GNAQ: variants seen among roughly 807,000 people sequenced by gnomAD.
The protein encoded by GNAQ is G protein subunit alpha q.
GNAQ carries 8 observed loss-of-function variants against 43.9 expected under a neutral mutation model. The observed-to-expected ratio is 0.18, with a 90% CI of 0.11 to 0.33. GNAQ has a LOEUF of 0.33. GNAQ is among the 10% of genes least tolerant of loss of function. The pLI is 1.00. For synonymous variants in GNAQ, 155 were observed against 170.7 expected, an observed-to-expected ratio of 0.91 and a Z score of 0.71; for missense variants, 158 against 450.8, an observed-to-expected ratio of 0.35 and a Z score of 5.88.
chr9:77,753,008 A>G (rs1017624416), intron 5 of GNAQ, among the ~76,000 whole-genome samples: 1 of 142,626 alleles, frequency 7.0e-6, no homozygotes, highest in Admixed American at 7.3e-5. Flanking sequence ...AATGGCGTGA[A>G]CCCGGGAGGC....
At chr9:77,888,099 G>A (rs1828341101) in intron 2 of GNAQ, among the ~76,000 whole-genome samples, 3 of 152,164 alleles carry the variant, frequency 2.0e-5, no homozygotes, top group African/African-American at 7.2e-5. Context: ...TTCAAGACAT[G>A]CAATGATGAC....
At chr9:77,984,937 T>C (rs572762863) in intron 1 of GNAQ, among the ~76,000 whole-genome samples, 1 of 152,128 alleles carries the variant, frequency 6.6e-6, no homozygotes, top group Non-Finnish European at 1.5e-5. Context: ...TGGACTACCA[T>C]TTGAGGATCC....
At chr9:77,780,566 T>C (rs1180705067) in intron 5 of GNAQ, among the ~76,000 whole-genome samples, 1 of 151,938 alleles carries the variant, frequency 6.6e-6, no homozygotes, top group Non-Finnish European at 1.5e-5. Flanking sequence ...AGTGCTGCAG[T>C]CAACATGGGG....
intron 1 of GNAQ, among the ~76,000 whole-genome samples, chr9:77,943,946 C>T (rs1368890753): frequency 3.3e-5 from 5 of 152,090 alleles, no homozygotes; most frequent in South Asian, 4.1e-4. Flanking sequence ...GGATTACAGG[C>T]GTGAGACACA....
At chr9:77,970,600 GAC>G (rs1823225939) in intron 1 of GNAQ, among the ~76,000 whole-genome samples, 1 of 152,168 alleles carries the variant, frequency 6.6e-6, no homozygotes, top group South Asian at 2.1e-4. Context: ...TGAGAACAAA[GAC>G]ACAGCGTACC....
At chr9:77,973,767 G>A (rs537298561) in intron 1 of GNAQ, among the ~76,000 whole-genome samples, 3 of 152,252 alleles carry the variant, frequency 2.0e-5, no homozygotes, top group East Asian at 3.9e-4. Context: ...GCAGTGAGCT[G>A]AGATTGTGCC....
At chr9:77,896,410 A>G (rs1242747012) in intron 2 of GNAQ, among the ~76,000 whole-genome samples, 1 of 152,250 alleles carries the variant, frequency 6.6e-6, no homozygotes, top group Non-Finnish European at 1.5e-5. Context: ...CATTTATTCT[A>G]CGTTTTAAAA....
intron 1 of GNAQ, among the ~76,000 whole-genome samples, chr9:77,957,199 T>TA (rs1222490155): frequency 1.3e-5 from 2 of 151,528 alleles, no homozygotes; most frequent in African/African-American, 2.4e-5. Context: ...CTACTAAAAA[T>TA]AAAAAAATTA....
At chr9:78,017,896 G>T (rs1823858768) in intron 1 of GNAQ, among the ~76,000 whole-genome samples, 1 of 152,232 alleles carries the variant, frequency 6.6e-6, no homozygotes, top group African/African-American at 2.4e-5. Flanking sequence ...AATGATCAAT[G>T]CAAAGTTTAG....
intron 2 of GNAQ, among the ~76,000 whole-genome samples, chr9:77,818,360 T>C (rs752587580): frequency 4.0e-5 from 6 of 151,610 alleles, no homozygotes; most frequent in Non-Finnish European, 8.8e-5. Context: ...TTTAAAAGTA[T>C]GACAGCATTT....
intron 2 of GNAQ, among the ~76,000 whole-genome samples, chr9:77,837,396 C>CA (rs1035275700): frequency 5.3e-5 from 8 of 151,468 alleles, no homozygotes; most frequent in Non-Finnish European, 1.0e-4. Context: ...CTACTAGAAA[C>CA]AAAAAAAATT....
At chr9:77,954,397 C>G (rs760805822) in intron 1 of GNAQ, among the ~76,000 whole-genome samples, 1 of 152,188 alleles carries the variant, frequency 6.6e-6, no homozygotes, top group Non-Finnish European at 1.5e-5. Flanking sequence ...ACAGCACCAC[C>G]ATAGTACGGC....
At chr9:77,823,519 G>A (rs1205489512) in intron 2 of GNAQ, among the ~76,000 whole-genome samples, 8 of 152,050 alleles carry the variant, frequency 5.3e-5, no homozygotes, top group Non-Finnish European at 1.0e-4. Context: ...CTGCTATAAA[G>A]AACTACCTGA....
At chr9:78,006,745 T>C (rs1023459512) in intron 1 of GNAQ, among the ~76,000 whole-genome samples, 2 of 152,206 alleles carry the variant, frequency 1.3e-5, no homozygotes, top group African/African-American at 4.8e-5. Context: ...AAAGTCGAGT[T>C]TGAGACTTCT....
Position 77,922,360 on chromosome 9 carries a change from A to G in GNAQ, c.137-15T>C. On this transcript the variant is annotated splice_polypyrimidine_tract_variant and intron_variant, in intron 1 of 6. Transcript: ENST00000286548. ...CTCTCCTGTCCCTGAAAGATGAACA[A>G]TAGCAGCTCATCAGACCACAGTGCC... is the stretch of plus-strand genomic sequence containing the variant. 6.3e-7 allele frequency: 1 copy of G among 1,595,098 alleles called. No individual in the cohort carries two copies. Among genetic ancestry groups the G allele is most frequent in the Non-Finnish European group, 8.6e-7 (1 of 1,164,006 alleles).
intron 1 of GNAQ, among the ~76,000 whole-genome samples, chr9:77,948,519 G>A (rs988039323): frequency 6.6e-6 from 1 of 152,174 alleles, no homozygotes; most frequent in Non-Finnish European, 1.5e-5. Context: ...GACACAGAGG[G>A]GGGGCAGATG....
chr9:77,967,988 T>A (rs915884679), intron 1 of GNAQ, among the ~76,000 whole-genome samples: 2 of 152,000 alleles, frequency 1.3e-5, no homozygotes, highest in Admixed American at 6.6e-5. Context: ...CTAAAAAAAA[T>A]AATAATAAAC....
At chr9:77,927,850 C>T (rs1829091956) in intron 1 of GNAQ, among the ~76,000 whole-genome samples, 1 of 152,134 alleles carries the variant, frequency 6.6e-6, no homozygotes, top group Non-Finnish European at 1.5e-5. Context: ...CCCCACCCCA[C>T]TCTCTTAATT....
intron 1 of GNAQ, among the ~76,000 whole-genome samples, chr9:77,990,364 A>G (rs1823493368): frequency 1.3e-5 from 2 of 152,124 alleles, no homozygotes; most frequent in Admixed American, 1.3e-4. Flanking sequence ...CCACCAAATG[A>G]GCATGCCATT....
Sources: gnomAD v4.1 joint callset for allele counts (sites outside exome capture counted in the v4.1 genomes callset) on GRCh38, gnomAD v4.1.1 for gene constraint, MANE v1.5 for transcripts, NCBI Gene and HGNC (gene_info 2026-07-23, HGNC 2026-07-21) for gene names.